Variants in TMCC1 observed in about 807,000 individuals in gnomAD.
TMCC1 encodes the protein transmembrane and coiled-coil domains protein 1.
TMCC1 carries 15 observed loss-of-function variants against 52.4 expected under a neutral mutation model. The ratio of observed to expected loss-of-function variants is 0.29; its 90% confidence interval spans 0.19 to 0.44. The LOEUF is 0.44. Among genes scored for constraint, TMCC1 ranks in the 20% least tolerant of loss-of-function variants. TMCC1 has a pLI of 1.00. For missense variants in TMCC1, 503 were observed against 806.0 expected (o/e 0.62, Z 4.55); for synonymous variants, 279 against 301.9 (o/e 0.92, Z 0.79).
chr3:129,670,332 A>G lies in TMCC1; in HGVS notation c.1509T>C (p.Tyr503=). ...LIMQTLQEER[Y]RCERLEEQLN... is the part of the protein sequence containing the mutation. ...GATATTAATTCCATGTGACTTACCTATATCGCTCCTCCTGTAAGGTCTGCA... is the reference window on the plus strand; with the variant it reads ...GATATTAATTCCATGTGACTTACCTGTATCGCTCCTCCTGTAAGGTCTGCA... Residue 503 remains tyrosine, a splice_region_variant and synonymous_variant, in exon 5 of 7, where the codon TAT becomes TAC. Coordinates refer to ENST00000393238, the MANE Select transcript of TMCC1 (RefSeq NM_001017395.5). 1 of 1,612,718 alleles carries G rather than the reference A, an allele frequency of 6.2e-7. No homozygotes were observed. Among genetic ancestry groups the G allele is most frequent in the Non-Finnish European group, 8.5e-7 (1 of 1,179,160 alleles).
At chr3:129,701,807 T>C (rs970708093) in intron 4 of TMCC1, among the ~76,000 whole-genome samples, 2 of 152,166 alleles carry the variant, frequency 1.3e-5, no homozygotes, top group Non-Finnish European at 2.9e-5. Flanking sequence ...GAGAGCTGTT[T>C]TGAAATTGCA....
At chr3:129,844,609 A>G (rs1014247204) in intron 2 of TMCC1, among the ~76,000 whole-genome samples, 1 of 152,100 alleles carries the variant, frequency 6.6e-6, no homozygotes, top group Non-Finnish European at 1.5e-5. Context: ...TTCTCTCACC[A>G]TTCCTGAACG....
intron 4 of TMCC1, among the ~76,000 whole-genome samples, chr3:129,712,037 G>A (rs1166999207): frequency 6.8e-6 from 1 of 146,352 alleles, no homozygotes; most frequent in Non-Finnish European, 1.5e-5. Context: ...ATTAGCCAGG[G>A]ATGGTGGCAG....
chr3:129,745,913 TAA>T (rs772638388), intron 4 of TMCC1, among the ~76,000 whole-genome samples: 4 of 136,076 alleles, frequency 2.9e-5, no homozygotes, highest in African/African-American at 5.4e-5. Flanking sequence ...AGACTCTCCC[TAA>T]AAAAAAAAAA....
intron 4 of TMCC1, among the ~76,000 whole-genome samples, chr3:129,812,228 G>A (rs972183166): frequency 2.0e-5 from 3 of 148,604 alleles, no homozygotes; most frequent in Non-Finnish European, 4.4e-5. Flanking sequence ...TGTAATCCCA[G>A]CTTCTTGGGA....
intron 5 of TMCC1, among the ~76,000 whole-genome samples, chr3:129,664,416 A>G (rs1055911889): frequency 1.3e-5 from 2 of 152,246 alleles, no homozygotes; most frequent in Admixed American, 6.5e-5. Flanking sequence ...TAATTGGGTC[A>G]GCCTAGTTAC....
At chr3:129,653,290 A>G (rs1230727586) in intron 6 of TMCC1, among the ~76,000 whole-genome samples, 1 of 152,218 alleles carries the variant, frequency 6.6e-6, no homozygotes, top group African/African-American at 2.4e-5. Flanking sequence ...TTCCTTATAC[A>G]CACTACCTGG....
chr3:129,760,401 AGTGTGTGTGT>A (rs200322394), intron 4 of TMCC1, among the ~76,000 whole-genome samples: 48 of 137,962 alleles, frequency 3.5e-4, no homozygotes, highest in South Asian at 2.9e-3. Flanking sequence ...ACGCCAGGCT[AGTGTGTGTGT>A]GTGTGTGTGT....
intron 5 of TMCC1, among the ~76,000 whole-genome samples, chr3:129,657,738 A>G (rs893726099): frequency 6.6e-6 from 1 of 152,176 alleles, no homozygotes; most frequent in Non-Finnish European, 1.5e-5. Context: ...AAAAATTATG[A>G]ACCTACAATT....
chr3:129,749,418 A>T (rs1385768166), intron 4 of TMCC1, among the ~76,000 whole-genome samples: 1 of 152,174 alleles, frequency 6.6e-6, no homozygotes, highest in East Asian at 1.9e-4. Context: ...TAACAGAGGA[A>T]ACAAAATGGA....
intron 4 of TMCC1, among the ~76,000 whole-genome samples, chr3:129,784,769 T>C (rs2055854172): frequency 6.6e-6 from 1 of 151,732 alleles, no homozygotes; most frequent in African/African-American, 2.4e-5. Flanking sequence ...TTTGAGACCA[T>C]CCTGGGCAAC....
At chr3:129,767,260 A>T (rs372822827) in intron 4 of TMCC1, among the ~76,000 whole-genome samples, 2 of 93,364 alleles carry the variant, frequency 2.1e-5, no homozygotes, top group African/African-American at 4.6e-5. Context: ...CGCTGTCTTT[A>T]AAAAAAAAAA....
At chr3:129,685,334 A>G (rs2089320776) in intron 4 of TMCC1, among the ~76,000 whole-genome samples, 1 of 151,916 alleles carries the variant, frequency 6.6e-6, no homozygotes, top group African/African-American at 2.4e-5. Flanking sequence ...AACTATGATC[A>G]TGCCACGGCA....
intron 5 of TMCC1, among the ~76,000 whole-genome samples, chr3:129,663,935 G>C (rs1445629701): frequency 1.3e-5 from 2 of 152,090 alleles, no homozygotes; most frequent in African/African-American, 4.8e-5. Flanking sequence ...TTTTTACAGA[G>C]GGAGAAACTG....
At chr3:129,657,180 C>T (rs907353006) in intron 5 of TMCC1, among the ~76,000 whole-genome samples, 2 of 152,190 alleles carry the variant, frequency 1.3e-5, no homozygotes, top group Non-Finnish European at 2.9e-5. Flanking sequence ...CACCAGCCTA[C>T]ATCTTGATAA....
At chr3:129,792,470 C>T (rs1447149546) in intron 4 of TMCC1, among the ~76,000 whole-genome samples, 3 of 152,058 alleles carry the variant, frequency 2.0e-5, no homozygotes, top group Non-Finnish European at 2.9e-5. Context: ...GCGTCGTCAG[C>T]CTCCCAAGTA....
chr3:129,893,206 G>A (rs1172545237), intron 1 of TMCC1: 2 of 152,334 alleles, frequency 1.3e-5, no homozygotes, highest in African/African-American at 2.4e-5. Context: ...GCTGGGAAGG[G>A]AACGAGGCGA....
chr3:129,806,317 T>C (rs1479291688), intron 4 of TMCC1, among the ~76,000 whole-genome samples: 1 of 152,130 alleles, frequency 6.6e-6, no homozygotes, highest in African/African-American at 2.4e-5. Flanking sequence ...TTATGAAAGA[T>C]GAAAAACAGA....
chr3:129,875,224 C>T (rs751361570), intron 2 of TMCC1, among the ~76,000 whole-genome samples: 19 of 151,626 alleles, frequency 1.3e-4, no homozygotes, highest in Non-Finnish European at 2.4e-4. Flanking sequence ...TGCGGTGGCT[C>T]ACACCTGTAA....
Sources: allele counts gnomAD v4.1 joint callset (sites outside exome capture counted in the v4.1 genomes callset), GRCh38; gene constraint gnomAD v4.1.1; transcripts MANE v1.5; gene names NCBI Gene and HGNC (gene_info 2026-07-23, HGNC 2026-07-21).